GREB1L: variants seen among roughly 807,000 people sequenced by gnomAD.
GREB1L encodes GREB1-like protein.
Under a neutral mutation model 200.8 loss-of-function variants are expected in GREB1L, and 17 were observed. The ratio of observed to expected loss-of-function variants is 0.08; its 90% CI spans 0.06 to 0.13. The LOEUF (loss-of-function observed/expected upper bound fraction) is 0.13, where lower values mean the gene tolerates loss of function less well. GREB1L is among the 10% of genes least tolerant of loss of function. The pLI, the probability that GREB1L is intolerant of heterozygous loss-of-function variation, is 1.00. For missense variants in GREB1L, 1,657 were observed against 2,367.7 expected (o/e 0.70, Z 6.23); for synonymous variants, 789 against 893.0 (o/e 0.88, Z 2.08).
chr18:21,429,207 C>T (rs1298124632), intron 7 of GREB1L, among the ~76,000 whole-genome samples: 2 of 81,374 alleles, frequency 2.5e-5, no homozygotes, highest in African/African-American at 4.9e-5. Flanking sequence ...CCCTCCCCTC[C>T]GCTCCCCTCC....
intron 7 of GREB1L, among the ~76,000 whole-genome samples, chr18:21,427,050 T>C (rs930960623): frequency 6.6e-6 from 1 of 151,692 alleles, no homozygotes. Flanking sequence ...ATTTTAGGAT[T>C]AGTTTGTCAA....
chr18:21,297,170 C>T (rs2038543405), intron 1 of GREB1L, among the ~76,000 whole-genome samples: 2 of 152,182 alleles, frequency 1.3e-5, no homozygotes, highest in South Asian at 2.1e-4. Flanking sequence ...TCACAAGATC[C>T]CAGGTAACCC....
chr18:21,433,443 G>A (rs2033309985), intron 7 of GREB1L, among the ~76,000 whole-genome samples: 1 of 152,178 alleles, frequency 6.6e-6, no homozygotes. Flanking sequence ...ACTGTGGCCT[G>A]AAACATAATG....
At chr18:21,422,102 C>T (rs1441801725) in intron 7 of GREB1L, among the ~76,000 whole-genome samples, 1 of 152,134 alleles carries the variant, frequency 6.6e-6, no homozygotes, top group Non-Finnish European at 1.5e-5. Flanking sequence ...TTACAAGTTC[C>T]TTCTTTAAAT....
At chr18:21,255,088 A>G (rs934286523) in intron 1 of GREB1L, among the ~76,000 whole-genome samples, 8 of 152,176 alleles carry the variant, frequency 5.3e-5, no homozygotes, top group Non-Finnish European at 1.2e-4. Flanking sequence ...TGATTAGGCA[A>G]CCAGCAGTGT....
chr18:21,282,388 C>T (rs914763722), intron 1 of GREB1L, among the ~76,000 whole-genome samples: 1 of 152,168 alleles, frequency 6.6e-6, no homozygotes, highest in African/African-American at 2.4e-5. Flanking sequence ...TTTCCCCTCA[C>T]CTTACAAAAT....
chr18:21,385,452 T>TCTC (rs10645989), intron 4 of GREB1L, among the ~76,000 whole-genome samples: 51,934 of 151,442 alleles, frequency 0.34, 12,357 homozygotes, highest in African/African-American at 0.65. Flanking sequence ...CCTGAATAAT[T>TCTC]CTGGTAGCTT....
chr18:21,441,668 G>C (rs1161796498), intron 10 of GREB1L, 131 bp downstream of exon 10: 2 of 876,770 alleles, frequency 2.3e-6, no homozygotes, highest in Admixed American at 5.9e-5. Context: ...TTATTGGTCA[G>C]CTCTTTCATG....
intron 1 of GREB1L, among the ~76,000 whole-genome samples, chr18:21,246,528 G>T (rs1174979146): frequency 2.0e-5 from 3 of 151,792 alleles, no homozygotes; most frequent in Non-Finnish European, 4.4e-5. Context: ...AGTTTTTTCC[G>T]CCATATTGCT....
At chr18:21,316,594 C>T (rs2038872138) in intron 1 of GREB1L, among the ~76,000 whole-genome samples, 1 of 152,110 alleles carries the variant, frequency 6.6e-6, no homozygotes, top group South Asian at 2.1e-4. Flanking sequence ...CTGAGCTTGC[C>T]TTTTCCCATG....
chr18:21,494,983 A>ATCAAT, intron 19 of GREB1L, among the ~76,000 whole-genome samples: 2 of 152,324 alleles, frequency 1.3e-5, no homozygotes, highest in Admixed American at 1.3e-4. Context: ...GATACTTAAT[A>ATCAAT]GGTTCTTTGA....
chr18:21,522,360 G>C (rs907389278), intron 32 of GREB1L, among the ~76,000 whole-genome samples: 3 of 151,924 alleles, frequency 2.0e-5, no homozygotes, highest in Non-Finnish European at 2.9e-5. Context: ...TGTAGTCTCA[G>C]CTACTTGGGA....
chr18:21,355,240 T>C (rs1168759901), intron 1 of GREB1L, among the ~76,000 whole-genome samples: 2 of 151,154 alleles, frequency 1.3e-5, no homozygotes, highest in East Asian at 3.9e-4. Flanking sequence ...GAAGCCTAGG[T>C]TGGAGTGCAG....
At chr18:21,351,912 A>G (rs2039438911) in intron 1 of GREB1L, among the ~76,000 whole-genome samples, 2 of 152,070 alleles carry the variant, frequency 1.3e-5, no homozygotes, top group Admixed American at 6.5e-5. Context: ...CAGTGGCACA[A>G]TCTTGGCTCA....
chr18:21,299,085 C>A (rs1290232842), intron 1 of GREB1L, among the ~76,000 whole-genome samples: 1 of 151,870 alleles, frequency 6.6e-6, no homozygotes, highest in Non-Finnish European at 1.5e-5. Flanking sequence ...CGAGACCAGC[C>A]TGGCCAACAT....
chr18:21,439,396 T>G, intron 7 of GREB1L, 125 bp from the exon 8 acceptor site: 1 of 601,940 alleles, frequency 1.7e-6, no homozygotes, highest in Non-Finnish European at 3.0e-6. Flanking sequence ...ATAACTGGAC[T>G]GAGTCCTATC....
At chr18:21,352,809 A>G (rs1221311527) in intron 1 of GREB1L, among the ~76,000 whole-genome samples, 1 of 152,178 alleles carries the variant, frequency 6.6e-6, no homozygotes. Context: ...TTTATATTCT[A>G]TAATCACATC....
At chr18:21,295,767 A>G (rs998703284) in intron 1 of GREB1L, among the ~76,000 whole-genome samples, 2 of 152,206 alleles carry the variant, frequency 1.3e-5, no homozygotes, top group African/African-American at 4.8e-5. Context: ...GAGGAGAGAA[A>G]GGTCAGGCTA....
intron 32 of GREB1L, 25 bp downstream of exon 32, chr18:21,520,848 T>C (rs887780986): frequency 2.0e-6 from 3 of 1,514,022 alleles, no homozygotes; most frequent in East Asian, 4.9e-5. Flanking sequence ...GTATCTTGCT[T>C]GTAATTGCTA....
Sources: gnomAD v4.1 joint callset for allele counts (sites outside exome capture counted in the v4.1 genomes callset) on GRCh38, gnomAD v4.1.1 for gene constraint, MANE v1.5 for transcripts, NCBI Gene and HGNC (gene_info 2026-07-23, HGNC 2026-07-21) for gene names.